The following RBMS3 variants were observed in gnomAD, a reference collection of about 807,000 sequenced individuals.
The protein encoded by RBMS3 is RNA-binding motif, single-stranded-interacting protein 3.
A neutral mutation model predicts 66.8 loss-of-function variants in RBMS3; 27 were observed. That is an observed-to-expected ratio of 0.40 (90% CI 0.30 to 0.56). RBMS3 has a LOEUF of 0.56. Among genes scored for constraint, RBMS3 ranks in the 20% least tolerant of loss-of-function variants. The pLI, the probability that RBMS3 is intolerant of heterozygous loss-of-function variation, is 0.40. For missense variants in RBMS3, 513 were observed against 549.5 expected (o/e 0.93, Z 0.66); for synonymous variants, 188 against 183.0 (o/e 1.03, Z -0.22).
At chr3:29,816,301 GACACACACAGACACACACACACACACAC>G (rs1324767179) in intron 6 of RBMS3, among the ~76,000 whole-genome samples, 2 of 135,848 alleles carry the variant, frequency 1.5e-5, no homozygotes, top group Non-Finnish European at 3.2e-5. Context: ...GACACACACA[GACACACACAGACACACACACACACACAC>G]ACACACACAC....
intron 4 of RBMS3, among the ~76,000 whole-genome samples, chr3:29,661,589 G>A (rs927241282): frequency 6.6e-6 from 1 of 151,972 alleles, no homozygotes; most frequent in Non-Finnish European, 1.5e-5. Flanking sequence ...TTTTAACTAT[G>A]TATAATCCTG....
intron 11 of RBMS3, among the ~76,000 whole-genome samples, chr3:29,937,295 C>T (rs1469254710): frequency 5.9e-5 from 9 of 151,962 alleles, no homozygotes; most frequent in African/African-American, 2.2e-4. Context: ...ATATGTCTTA[C>T]AGTTACCACC....
At chr3:29,498,412 T>A (rs1000183695) in intron 3 of RBMS3, among the ~76,000 whole-genome samples, 1 of 152,182 alleles carries the variant, frequency 6.6e-6, no homozygotes, top group Non-Finnish European at 1.5e-5. Context: ...AAATTGTATA[T>A]ACTAATGTAT....
At chr3:29,612,358 T>C (rs2048520773) in intron 4 of RBMS3, among the ~76,000 whole-genome samples, 1 of 152,108 alleles carries the variant, frequency 6.6e-6, no homozygotes, top group African/African-American at 2.4e-5. Context: ...GTAATCACTA[T>C]ACAGAATCTT....
At chr3:29,551,730 A>C (rs2046185899) in intron 3 of RBMS3, among the ~76,000 whole-genome samples, 1 of 152,220 alleles carries the variant, frequency 6.6e-6, no homozygotes, top group Non-Finnish European at 1.5e-5. Flanking sequence ...CTGACAATTC[A>C]AGTGTGACGA....
At chr3:29,752,183 C>G (rs2055212431) in intron 5 of RBMS3, among the ~76,000 whole-genome samples, 2 of 152,160 alleles carry the variant, frequency 1.3e-5, no homozygotes, top group African/African-American at 4.8e-5. Flanking sequence ...GGAAGATAAT[C>G]TTCCCCTGGA....
At chr3:29,402,322 C>A (rs767202838) in intron 1 of RBMS3, among the ~76,000 whole-genome samples, 2 of 151,978 alleles carry the variant, frequency 1.3e-5, no homozygotes, top group Admixed American at 6.6e-5. Flanking sequence ...TGATATTAAG[C>A]CAAATGCACA....
chr3:29,456,812 A>G (rs993917407), intron 2 of RBMS3, among the ~76,000 whole-genome samples: 3 of 152,232 alleles, frequency 2.0e-5, no homozygotes, highest in Middle Eastern at 3.2e-3. Context: ...AATACATGGT[A>G]GGGCATAAGT....
chr3:29,861,180 A>C (rs536398976), intron 6 of RBMS3, among the ~76,000 whole-genome samples: 11 of 152,334 alleles, frequency 7.2e-5, no homozygotes, highest in African/African-American at 2.4e-4. Flanking sequence ...CTGGATCAAA[A>C]ATTTATAACA....
intron 8 of RBMS3, among the ~76,000 whole-genome samples, chr3:29,886,188 T>C (rs1334142516): frequency 6.6e-6 from 1 of 151,892 alleles, no homozygotes; most frequent in African/African-American, 2.4e-5. Context: ...ACTATCCAGA[T>C]TATTTTTCAA....
chr3:29,773,896 G>T (rs1434213622), intron 6 of RBMS3, among the ~76,000 whole-genome samples: 1 of 151,938 alleles, frequency 6.6e-6, no homozygotes, highest in Non-Finnish European at 1.5e-5. Flanking sequence ...ACAGTTTGTG[G>T]GGCTGTCTAA....
chr3:29,763,097 T>G, intron 6 of RBMS3, 108 bp downstream of exon 6: 1 of 691,390 alleles, frequency 1.4e-6, no homozygotes, highest in South Asian at 2.2e-5. Flanking sequence ...TTGGGGGGTT[T>G]GCTTTTCTTA....
At chr3:29,408,376 T>G (rs934649493) in intron 1 of RBMS3, among the ~76,000 whole-genome samples, 4 of 152,082 alleles carry the variant, frequency 2.6e-5, no homozygotes, top group African/African-American at 9.7e-5. Flanking sequence ...AGTTTTTGAT[T>G]AAGCACTTAA....
At chr3:29,862,849 T>C (rs1217997531) in intron 6 of RBMS3, among the ~76,000 whole-genome samples, 4 of 130,944 alleles carry the variant, frequency 3.1e-5, no homozygotes, top group Non-Finnish European at 6.3e-5. Context: ...AGTCTCTGTC[T>C]CAAAAAAGAA....
intron 3 of RBMS3, among the ~76,000 whole-genome samples, chr3:29,559,421 G>A (rs1190167510): frequency 2.1e-5 from 3 of 146,294 alleles, no homozygotes; most frequent in Non-Finnish European, 1.5e-5. Flanking sequence ...TGAGGCAGGA[G>A]AGTCACTTGA....
intron 4 of RBMS3, among the ~76,000 whole-genome samples, chr3:29,611,865 A>G (rs1352222399): frequency 6.7e-6 from 1 of 150,370 alleles, no homozygotes; most frequent in Non-Finnish European, 1.5e-5. Context: ...CAGGTCTCAT[A>G]TGTGGATCCA....
chr3:29,465,498 A>G (rs896134200), intron 2 of RBMS3, among the ~76,000 whole-genome samples: 2 of 151,396 alleles, frequency 1.3e-5, no homozygotes, highest in East Asian at 3.9e-4. Flanking sequence ...TCTTTTAAAG[A>G]AGGCTTTAGG....
At chr3:29,481,391 A>T (rs919750205) in intron 2 of RBMS3, among the ~76,000 whole-genome samples, 1 of 152,202 alleles carries the variant, frequency 6.6e-6, no homozygotes, top group Non-Finnish European at 1.5e-5. Flanking sequence ...GAGATGGGGT[A>T]CTGTTCAAGA....
At chr3:29,805,076 T>C (rs1036750756) in intron 6 of RBMS3, among the ~76,000 whole-genome samples, 7 of 152,026 alleles carry the variant, frequency 4.6e-5, no homozygotes, top group African/African-American at 1.7e-4. Flanking sequence ...AGGTTAGATT[T>C]CTAAGTTTAA....
Sources: allele counts gnomAD v4.1 joint callset (sites outside exome capture counted in the v4.1 genomes callset), GRCh38; gene constraint gnomAD v4.1.1; transcripts MANE v1.5; gene names NCBI Gene and HGNC (gene_info 2026-07-23, HGNC 2026-07-21).